Variants in KCNQ5 observed in about 807,000 individuals in gnomAD.
KCNQ5 encodes the protein potassium voltage-gated channel subfamily KQT member 5.
KCNQ5 carries 30 observed loss-of-function variants against 98.2 expected under a neutral mutation model. The observed-to-expected ratio is 0.31, with a 90% CI of 0.23 to 0.41. The LOEUF (loss-of-function observed/expected upper bound fraction) is 0.41. KCNQ5 is among the 10% of genes least tolerant of loss of function. The pLI is 1.00. For synonymous variants in KCNQ5, 458 were observed against 449.4 expected (o/e 1.02, Z -0.24); for missense variants, 835 against 1,182.5 (o/e 0.71, Z 4.31).
intron 1 of KCNQ5, among the ~76,000 whole-genome samples, chr6:72,674,063 T>C (rs981861565): frequency 1.3e-5 from 2 of 152,216 alleles, no homozygotes; most frequent in Non-Finnish European, 2.9e-5. Flanking sequence ...AATTGTCTTA[T>C]AAGCTACATT....
chr6:72,727,935 C>A (rs979698812), intron 1 of KCNQ5, among the ~76,000 whole-genome samples: 2 of 152,094 alleles, frequency 1.3e-5, no homozygotes, highest in African/African-American at 4.8e-5. Flanking sequence ...TCTTCTTGGG[C>A]CAGGAGCTAT....
rs906731414 is a variant in KCNQ5, at chr6:72,880,547, C to T, written c.399-123361C>T. Among the ~76,000 whole-genome samples the T allele has an allele frequency of 3.3e-5, 5 of 152,298 alleles. No individual in the cohort carries two copies. In the East Asian group the frequency reaches 5.8e-4, roughly 18 times the overall value. ...GACCATAGCACTTGCTATCCATGCA[C>T]TTGTGTGGCCAAATTCCGGTCTTCT... On this transcript the variant is annotated intron_variant, in intron 1 of 13. Coordinates refer to ENST00000370398, the MANE Select transcript of KCNQ5 (RefSeq NM_019842.4).
chr6:72,693,117 T>G (rs796711137), intron 1 of KCNQ5, among the ~76,000 whole-genome samples: 1 of 152,076 alleles, frequency 6.6e-6, no homozygotes, highest in Non-Finnish European at 1.5e-5. Context: ...TACTAACTTA[T>G]AGATAATAAT....
At chr6:72,638,053 C>A (rs1046739024) in intron 1 of KCNQ5, among the ~76,000 whole-genome samples, 3 of 152,170 alleles carry the variant, frequency 2.0e-5, no homozygotes, top group African/African-American at 7.2e-5. Flanking sequence ...TTTAGTTGTG[C>A]ACTGAGATCG....
chr6:72,855,201 A>G (rs1380815932), intron 1 of KCNQ5, among the ~76,000 whole-genome samples: 1 of 152,150 alleles, frequency 6.6e-6, no homozygotes, highest in African/African-American at 2.4e-5. Context: ...AATTTTTTTA[A>G]ACCAGTTCTA....
At chr6:73,137,061 T>A (rs1420767417) in intron 10 of KCNQ5, among the ~76,000 whole-genome samples, 1 of 152,054 alleles carries the variant, frequency 6.6e-6, no homozygotes, top group African/African-American at 2.4e-5. Context: ...AAAGTTATAT[T>A]TGGAAAATAA....
At chr6:72,729,775 A>G (rs1770465721) in intron 1 of KCNQ5, among the ~76,000 whole-genome samples, 1 of 152,184 alleles carries the variant, frequency 6.6e-6, no homozygotes, top group Admixed American at 6.5e-5. Context: ...AACTTATTTC[A>G]GGTATTAGAG....
intron 2 of KCNQ5, among the ~76,000 whole-genome samples, chr6:73,024,473 G>A (rs575625691): frequency 1.3e-5 from 2 of 148,506 alleles, no homozygotes; most frequent in Admixed American, 6.8e-5. Flanking sequence ...AGGGCAGGAA[G>A]GCAAAAGAGA....
chr6:72,926,269 A>G (rs1765414317), intron 1 of KCNQ5, among the ~76,000 whole-genome samples: 1 of 152,140 alleles, frequency 6.6e-6, no homozygotes, highest in Non-Finnish European at 1.5e-5. Flanking sequence ...AAGGTTAATT[A>G]GTATTACTGC....
chr6:73,167,166 C>G (rs991376653), intron 10 of KCNQ5, among the ~76,000 whole-genome samples: 1 of 152,140 alleles, frequency 6.6e-6, no homozygotes, highest in African/African-American at 2.4e-5. Flanking sequence ...GTCAATCCAG[C>G]AAACTGGCTA....
chr6:72,923,917 G>C (rs1457635586), intron 1 of KCNQ5, among the ~76,000 whole-genome samples: 1 of 152,166 alleles, frequency 6.6e-6, no homozygotes, highest in Non-Finnish European at 1.5e-5. Flanking sequence ...ACCATAAACA[G>C]TTTTTGTCTT....
intron 2 of KCNQ5, among the ~76,000 whole-genome samples, chr6:73,031,446 T>C (rs1043350505): frequency 6.6e-6 from 1 of 152,246 alleles, no homozygotes; most frequent in African/African-American, 2.4e-5. Flanking sequence ...TAGCTCTTTT[T>C]GAGAATTTTG....
At chr6:72,791,363 T>C (rs1009620478) in intron 1 of KCNQ5, among the ~76,000 whole-genome samples, 1 of 152,156 alleles carries the variant, frequency 6.6e-6, no homozygotes, top group African/African-American at 2.4e-5. Context: ...TCAGGATAGG[T>C]AAATTCCCTT....
At chr6:72,647,440 A>AAAAAC (rs1180492658) in intron 1 of KCNQ5, among the ~76,000 whole-genome samples, 2 of 152,244 alleles carry the variant, frequency 1.3e-5, no homozygotes, top group South Asian at 2.1e-4. Flanking sequence ...ACAACCCAGA[A>AAAAAC]AAAACAAAAC....
intron 1 of KCNQ5, chr6:72,987,037 C>G (rs1768812895): frequency 1.3e-6 from 1 of 776,278 alleles, no homozygotes; most frequent in Admixed American, 2.3e-5. Flanking sequence ...CCAGGCCACT[C>G]CAAGCCCTTC....
chr6:72,859,178 A>G (rs1388745856), intron 1 of KCNQ5, among the ~76,000 whole-genome samples: 1 of 152,148 alleles, frequency 6.6e-6, no homozygotes, highest in Non-Finnish European at 1.5e-5. Flanking sequence ...GTTTTATTAT[A>G]ATAGAGTTGT....
chr6:73,067,689 G>T (rs1016970534), intron 3 of KCNQ5, among the ~76,000 whole-genome samples: 2 of 152,058 alleles, frequency 1.3e-5, no homozygotes, highest in Admixed American at 6.6e-5. Flanking sequence ...TACATCAGAG[G>T]TACTCAATAA....
At chr6:73,176,438 A>G (rs1399916028) in intron 11 of KCNQ5, among the ~76,000 whole-genome samples, 1 of 152,240 alleles carries the variant, frequency 6.6e-6, no homozygotes, top group East Asian at 1.9e-4. Flanking sequence ...CAGCCTGCAG[A>G]ACCATGAGCC....
intron 1 of KCNQ5, among the ~76,000 whole-genome samples, chr6:72,706,410 G>A (rs1287634619): frequency 1.3e-5 from 2 of 151,832 alleles, no homozygotes; most frequent in African/African-American, 4.8e-5. Context: ...CCTGTGGTGG[G>A]TACTAAAGTA....
Sources: allele counts gnomAD v4.1 joint callset (sites outside exome capture counted in the v4.1 genomes callset), GRCh38; gene constraint gnomAD v4.1.1; transcripts MANE v1.5; gene names NCBI Gene and HGNC (gene_info 2026-07-23, HGNC 2026-07-21).